Variants in MAPRE3 observed in about 807,000 individuals in gnomAD.
The protein encoded by MAPRE3 is microtubule associated protein RP/EB family member 3.
Under a neutral mutation model 30.5 loss-of-function variants are expected in MAPRE3, and 2 were observed. That is an observed-to-expected ratio of 0.07 (90% confidence interval 0.03 to 0.21). The LOEUF (loss-of-function observed/expected upper bound fraction) is 0.21, where lower values mean the gene tolerates loss of function less well. Among genes scored for constraint, MAPRE3 ranks in the 10% least tolerant of loss-of-function variants. The pLI is 1.00. For synonymous variants in MAPRE3, 110 were observed against 127.7 expected (o/e 0.86, Z 0.93); for missense variants, 204 against 351.8 (o/e 0.58, Z 3.36).
chr2:26,991,193 G>T (rs546109824), intron 1 of MAPRE3, among the ~76,000 whole-genome samples: 11 of 152,306 alleles, frequency 7.2e-5, no homozygotes, highest in African/African-American at 2.4e-4. Flanking sequence ...GGCAGAGCTT[G>T]CAGTGAGCCG....
chr2:27,003,711 G>A (rs979571592), intron 1 of MAPRE3, among the ~76,000 whole-genome samples: 1 of 152,194 alleles, frequency 6.6e-6, no homozygotes, highest in Admixed American at 6.5e-5. Flanking sequence ...ATGAGAGGGT[G>A]CTGCTCAGTA....
chr2:27,000,727 C>T (rs769208079), intron 1 of MAPRE3, among the ~76,000 whole-genome samples: 2 of 152,192 alleles, frequency 1.3e-5, no homozygotes, highest in Admixed American at 6.5e-5. Context: ...GTGCAGCTGC[C>T]GGTGTCCGCT....
At chr2:26,976,372 A>G (rs1666014296) in intron 1 of MAPRE3, among the ~76,000 whole-genome samples, 1 of 152,248 alleles carries the variant, frequency 6.6e-6, no homozygotes, top group Admixed American at 6.5e-5. Context: ...TGGGTTGCTT[A>G]CCCAGGAGTT....
intron 1 of MAPRE3, among the ~76,000 whole-genome samples, chr2:26,995,980 C>T (rs904979003): frequency 1.4e-4 from 21 of 151,834 alleles, no homozygotes; most frequent in Non-Finnish European, 2.5e-4. Context: ...ATCTGCCTAT[C>T]GCCTCTATTC....
At chr2:27,024,887 C>T (rs1667201196) in intron 4 of MAPRE3, among the ~76,000 whole-genome samples, 1 of 152,166 alleles carries the variant, frequency 6.6e-6, no homozygotes, top group African/African-American at 2.4e-5. Flanking sequence ...CCCCAGCCCG[C>T]GTCGGACCCC....
At position 26,979,841 on chromosome 2, in the gene MAPRE3, G is replaced by A. The variant is rs1666079222; in HGVS notation, c.-8+9039G>A. Among the ~76,000 whole-genome samples the A allele has an allele frequency of 2.0e-5, 3 of 152,296 alleles. No individual in the cohort carries two copies. The South Asian group carries it at 6.2e-4, about 32-fold the overall frequency. On this transcript the variant is annotated intron_variant, in intron 1 of 6. Transcript: ENST00000233121. ...AGAAATTAGGAAGTTTGAAGAGACA[G>A]TTTGGAAAGGAGTTGCTTTTTAGAC...
At chr2:27,010,289 G>A (rs1207427882) in intron 1 of MAPRE3, among the ~76,000 whole-genome samples, 1 of 152,160 alleles carries the variant, frequency 6.6e-6, no homozygotes, top group Non-Finnish European at 1.5e-5. Context: ...GTGATACAGT[G>A]TTGTGAGTAG....
At chr2:27,022,106 G>A in intron 1 of MAPRE3, 106 bp from the exon 2 acceptor site, 1 of 1,347,478 alleles carries the variant, frequency 7.4e-7, no homozygotes, top group Non-Finnish European at 1.0e-6. Flanking sequence ...GGCCAATCTG[G>A]AGGGAATGTT....
intron 6 of MAPRE3, 99 bp downstream of exon 6, chr2:27,026,131 A>T (rs2148231511): frequency 6.7e-7 from 1 of 1,493,826 alleles, no homozygotes; most frequent in Non-Finnish European, 9.2e-7. Context: ...ACATTTACTG[A>T]TGAGAGAGAG....
intron 1 of MAPRE3, among the ~76,000 whole-genome samples, chr2:26,996,303 C>G (rs972695518): frequency 1.3e-5 from 2 of 151,936 alleles, no homozygotes; most frequent in African/African-American, 4.8e-5. Flanking sequence ...TACAGGTGTG[C>G]ACCACCTTGC....
intron 1 of MAPRE3, among the ~76,000 whole-genome samples, chr2:26,980,107 T>A (rs1203198664): frequency 6.6e-6 from 1 of 152,012 alleles, no homozygotes; most frequent in African/African-American, 2.4e-5. Context: ...AGGAACAAGA[T>A]GGTGGGAAAT....
At chr2:26,984,869 G>A (rs1666189008) in intron 1 of MAPRE3, 2 of 152,208 alleles carry the variant, frequency 1.3e-5, no homozygotes, top group Non-Finnish European at 2.9e-5. Flanking sequence ...GGTAACATTA[G>A]TTTTGATTTT....
chr2:27,007,616 A>C (rs577449618), intron 1 of MAPRE3, among the ~76,000 whole-genome samples: 2 of 152,362 alleles, frequency 1.3e-5, no homozygotes, highest in South Asian at 4.1e-4. Context: ...CACATGTCAA[A>C]CAACAGTAGA....
chr2:27,019,399 G>C (rs1047517222), intron 1 of MAPRE3, among the ~76,000 whole-genome samples: 1 of 151,744 alleles, frequency 6.6e-6, no homozygotes, highest in African/African-American at 2.4e-5. Context: ...GGGGGACCCA[G>C]GCCAGAAGGT....
chr2:26,995,202 A>G (rs1666426075), intron 1 of MAPRE3, among the ~76,000 whole-genome samples: 1 of 152,248 alleles, frequency 6.6e-6, no homozygotes, highest in South Asian at 2.1e-4. Context: ...GTGTTCCAGT[A>G]AAACATCTTG....
intron 1 of MAPRE3, among the ~76,000 whole-genome samples, chr2:27,019,616 G>A (rs976019556): frequency 6.6e-6 from 1 of 152,214 alleles, no homozygotes; most frequent in African/African-American, 2.4e-5. Flanking sequence ...GGAAACTCAA[G>A]TGCAGTCAAC....
At chr2:27,024,328 G>T (rs772959053) in intron 4 of MAPRE3, 31 bp downstream of exon 4, 5 of 1,599,968 alleles carry the variant, frequency 3.1e-6, no homozygotes, top group Middle Eastern at 1.8e-4. Flanking sequence ...GAGGGAGCGT[G>T]GGGGGCCGGG....
intron 1 of MAPRE3, among the ~76,000 whole-genome samples, chr2:26,998,666 A>T (rs946317895): frequency 6.6e-6 from 1 of 152,192 alleles, no homozygotes; most frequent in Non-Finnish European, 1.5e-5. Flanking sequence ...AGAAATAGAC[A>T]TACTTCTGTG....
intron 1 of MAPRE3, among the ~76,000 whole-genome samples, chr2:27,017,151 G>A (rs533768674): frequency 1.3e-5 from 2 of 152,208 alleles, no homozygotes; most frequent in African/African-American, 4.8e-5. Flanking sequence ...AAACAAGGAG[G>A]CTGTTACTTC....
Sources: allele counts gnomAD v4.1 joint callset (sites outside exome capture counted in the v4.1 genomes callset), GRCh38; gene constraint gnomAD v4.1.1; transcripts MANE v1.5; gene names NCBI Gene and HGNC (gene_info 2026-07-23, HGNC 2026-07-21).